The following SMG9 variants were observed in gnomAD, a reference collection of about 807,000 sequenced individuals.
SMG9 encodes SMG9 nonsense mediated mRNA decay factor, also known as nonsense-mediated mRNA decay factor SMG9.
In SMG9, 55 loss-of-function variants were observed where a neutral mutation model predicts 64.0. That is an observed-to-expected ratio of 0.86 (90% CI 0.69 to 1.08). The LOEUF (loss-of-function observed/expected upper bound fraction) is 1.08. Ranked by LOEUF, SMG9 falls within the 50% of genes least tolerant of loss-of-function variation. The pLI, the probability that SMG9 is intolerant of heterozygous loss-of-function variation, is 0.00. For synonymous variants in SMG9, 244 were observed against 254.8 expected, an observed-to-expected ratio of 0.96 and a Z score of 0.41; for missense variants, 554 against 681.3, an observed-to-expected ratio of 0.81 and a Z score of 2.08.
chr19:43,734,027 C>T (rs1004855557), intron 10 of SMG9: 1 of 538,740 alleles, frequency 1.9e-6, no homozygotes, highest in Non-Finnish European at 3.3e-6. Context: ...GGCAAAGGAA[C>T]GGCATGTGCA....
intron 5 of SMG9, 62 bp from the exon 6 acceptor site, chr19:43,744,946 G>C (rs1241069028): frequency 7.6e-7 from 1 of 1,314,366 alleles, no homozygotes; most frequent in East Asian, 2.4e-5. Context: ...GGAATGAGGG[G>C]GGGACTCCAG....
chr19:43,731,153 C>T lies in SMG9; in HGVS notation c.*443G>A. 1.0e-6 allele frequency: 1 copy of T among 992,398 alleles called. No individual in the cohort carries two copies. The highest frequency in any genetic ancestry group is 1.7e-5 in the African/African-American group (1 of 57,560). The allele number at this position is 992,398 out of a possible 1,614,324, so 61.5% of individuals were successfully genotyped here. ...GGAGTAAGTGGAACATAAGAACAGG[C>T]TTGCATGACTGTGTTTATTTGAACC... On this transcript the variant is annotated 3_prime_UTR_variant, in exon 14 of 14. Transcript: ENST00000270066.
intron 7 of SMG9, chr19:43,739,880 T>A: frequency 1.8e-6 from 1 of 555,014 alleles, no homozygotes; most frequent in East Asian, 3.1e-5. Flanking sequence ...TTCAGCACTA[T>A]ACTAGAAATC....
rs1287936605 is a variant in SMG9 at position 43,733,660 on chromosome 19, G to C, written c.1176C>G (p.Asp392Glu). The change falls in exon 11 of 14, where the codon GAC (aspartate) becomes GAG (glutamate). Residue 392 changes from aspartate (D) to glutamate (E), a missense_variant. Transcript: ENST00000270066. ...RKLRQMHLMI[D>E]QLMAHSHLRY... ...GCAGGTGGGAGTGGGCCATGAGCTG[G>C]TCAATCATCAGGTGCATCTGCCGCA... The C allele has an allele frequency of 1.2e-6, 2 of 1,614,096 alleles. No individual in the cohort carries two copies. The highest frequency in any genetic ancestry group is 1.7e-5 in the Admixed American group (1 of 60,020).
intron 2 of SMG9, among the ~76,000 whole-genome samples, chr19:43,749,375 A>C (rs1051206228): frequency 1.1e-4 from 16 of 152,206 alleles, no homozygotes; most frequent in African/African-American, 3.6e-4. Flanking sequence ...GAGGATAAGA[A>C]GCCCATGGGT....
In SMG9 at chr19:43,733,683, G is replaced by A. The variant is rs143097928; in HGVS notation, c.1153C>T (p.Arg385Trp). The change falls in exon 11 of 14, where the codon CGG becomes TGG. Residue 385 changes from arginine (R) to tryptophan (W), a missense_variant. Coordinates refer to ENST00000270066, the MANE Select transcript of SMG9 (RefSeq NM_019108.4). ...RREDFCPRKL[R>W]QMHLMIDQLM... The stretch of plus-strand genomic sequence containing the variant: ...TGGTCAATCATCAGGTGCATCTGCC[G>A]CAGCTTCCGAGGACAGAAGTCCTCT... 1.2e-4 allele frequency: 188 copies of A among 1,614,032 alleles called. 1 individual carries two copies. The highest frequency in any genetic ancestry group is 3.3e-4 in the Middle Eastern group (2 of 6,084).
In SMG9 at chr19:43,747,436, C is replaced by A; in HGVS notation, c.588+6G>T. On this transcript the variant is annotated splice_donor_region_variant and intron_variant, in intron 5 of 13. Coordinates refer to ENST00000270066, the MANE Select transcript of SMG9 (RefSeq NM_019108.4). ...GAAGCTCAGGCAGGGCAGGACCCCT[C>A]GGTACCTCGATGGCACTGTCACACC... 1.2e-6 allele frequency: 2 copies of A among 1,612,310 alleles called. No homozygotes were observed.
chr19:43,749,867 CAA>C (rs900074720), intron 2 of SMG9, among the ~76,000 whole-genome samples: 7 of 152,178 alleles, frequency 4.6e-5, no homozygotes, highest in Non-Finnish European at 1.0e-4. Flanking sequence ...GTCCTGGACC[CAA>C]AGTTTATTGA....
chr19:43,733,574 G>T, intron 11 of SMG9, 52 bp downstream of exon 11: 1 of 1,609,038 alleles, frequency 6.2e-7, no homozygotes, highest in South Asian at 1.1e-5. Flanking sequence ...CACGGGGTTG[G>T]ATCAGGAATT....
intron 10 of SMG9, 169 bp downstream of exon 10, chr19:43,734,220 T>C (rs966687094): frequency 4.9e-6 from 3 of 610,146 alleles, no homozygotes; most frequent in Non-Finnish European, 8.7e-6. Flanking sequence ...CAGTGGGAAC[T>C]TGGAAGGAGC....
At chr19:43,748,797 TGA>T (rs1339837057) in intron 2 of SMG9, 1 of 520,048 alleles carries the variant, frequency 1.9e-6, no homozygotes, top group Non-Finnish European at 3.8e-6. Flanking sequence ...ACCAATATAC[TGA>T]GGACACTTAC....
intron 12 of SMG9, 108 bp downstream of exon 12, chr19:43,733,216 C>A: frequency 6.7e-7 from 1 of 1,485,406 alleles, no homozygotes; most frequent in East Asian, 2.3e-5. Context: ...CTCCACACTG[C>A]TCCCAAACCA....
chr19:43,732,563 T>C, intron 13 of SMG9: 1 of 407,702 alleles, frequency 2.5e-6, no homozygotes, highest in Non-Finnish European at 4.5e-6. Context: ...GCCACAGATG[T>C]GTGGCCTTGC....
chr19:43,738,772 C>T (rs1314317751), intron 7 of SMG9, among the ~76,000 whole-genome samples: 1 of 152,222 alleles, frequency 6.6e-6, no homozygotes, highest in African/African-American at 2.4e-5. Flanking sequence ...CACAACTGCT[C>T]GCGTTCTCAA....
At chr19:43,738,550 A>T (rs1227190420) in intron 7 of SMG9, among the ~76,000 whole-genome samples, 1 of 91,396 alleles carries the variant, frequency 1.1e-5, no homozygotes, top group Non-Finnish European at 2.4e-5. Context: ...CTTTGCTAAG[A>T]TAATTACTTA....
chr19:43,732,782 G>T, intron 13 of SMG9, 76 bp downstream of exon 13: 1 of 1,571,252 alleles, frequency 6.4e-7, no homozygotes, highest in South Asian at 1.1e-5. Context: ...AGGTCATGCC[G>T]ATCTAAGGGA....
At chr19:43,752,902 T>TAAAAAAAAAAAAAAA (rs775445159) in intron 1 of SMG9, among the ~76,000 whole-genome samples, 2 of 96,304 alleles carry the variant, frequency 2.1e-5, no homozygotes, top group African/African-American at 4.7e-5. Flanking sequence ...AGACCCTGTC[T>TAAAAAAAAAAAAAAA]AAAAAAAAAA....
At position 43,747,445 on chromosome 19, in the gene SMG9, G is replaced by A. The variant is rs148972113; in HGVS notation, c.585C>T (p.Ile195=). 4.3e-6 allele frequency: 7 copies of A among 1,613,142 alleles called. No individual in the cohort carries two copies. Among genetic ancestry groups the A allele is most frequent in the South Asian group, 2.2e-5 (2 of 91,086 alleles). The change falls in exon 5 of 14, where the codon ATC becomes ATT. Residue 195 remains isoleucine, a synonymous_variant. Transcript: ENST00000270066. ...DDQMNWCDSA[I]EYLLDQTDVL... is the part of the protein sequence containing the mutation. Reference sequence around the variant, plus strand: ...GCAGGGCAGGACCCCTCGGTACCTCGATGGCACTGTCACACCAATTCATCT... The same window carrying A: ...GCAGGGCAGGACCCCTCGGTACCTCAATGGCACTGTCACACCAATTCATCT...
chr19:43,738,134 G>T lies in SMG9; in HGVS notation c.897C>A (p.Tyr299Ter). ...TTGGCTCCCTCACCTGCATTTCAAC[G>T]TAAGTGTGGGGAAGGTTGTACTCTG... ...LPPEYNLPHTYVEMQSLQIAA... is the reference protein window; with the variant it reads ...LPPEYNLPHT Residue 299 changes from tyrosine to a stop codon, truncating the protein, a stop_gained, in exon 8 of 14, where the codon TAC becomes TAA. Coordinates refer to ENST00000270066, the MANE Select transcript of SMG9 (RefSeq NM_019108.4). LOFTEE classifies it high-confidence loss of function. 1.2e-6 allele frequency: 2 copies of T among 1,614,092 alleles called. No homozygotes were observed. Among genetic ancestry groups the T allele is most frequent in the Non-Finnish European group, 1.7e-6 (2 of 1,179,962 alleles).
Sources: allele counts gnomAD v4.1 joint callset (sites outside exome capture counted in the v4.1 genomes callset), GRCh38; gene constraint gnomAD v4.1.1; transcripts MANE v1.5; gene names NCBI Gene and HGNC (gene_info 2026-07-23, HGNC 2026-07-21).